NECAB3: variants seen among roughly 807,000 people sequenced by gnomAD.
NECAB3 encodes the protein N-terminal EF-hand calcium binding protein 3, also known as N-terminal EF-hand calcium-binding protein 3.
In NECAB3, 38 loss-of-function variants were observed where a neutral mutation model predicts 57.2. That is an observed-to-expected ratio of 0.66 (90% CI 0.51 to 0.87). The LOEUF (loss-of-function observed/expected upper bound fraction) is 0.87, where lower values mean the gene tolerates loss of function less well. Among genes scored for constraint, NECAB3 ranks in the 40% least tolerant of loss-of-function variants. The probability of loss-of-function intolerance (pLI) is 0.00; values close to 1 mark genes in which losing one functional copy is unlikely to be tolerated. For missense variants in NECAB3, 474 were observed against 527.5 expected, an observed-to-expected ratio of 0.90 and a Z score of 0.99; for synonymous variants, 223 against 222.6, an observed-to-expected ratio of 1.00 and a Z score of -0.02.
At chr20:33,667,951 C>T in intron 5 of NECAB3, 1 of 1,553,068 alleles carries the variant, frequency 6.4e-7, no homozygotes, top group Non-Finnish European at 8.7e-7. Context: ...GCAGAAGATG[C>T]CCAAAACGCT....
At chr20:33,667,670 A>G (rs537895103) in intron 5 of NECAB3, 1 of 1,611,408 alleles carries the variant, frequency 6.2e-7, no homozygotes, top group Admixed American at 1.7e-5. Context: ...TACCTGCGGG[A>G]TCTGCTGGTG....
intron 5 of NECAB3, chr20:33,668,267 T>C (rs1215282553): frequency 6.5e-7 from 1 of 1,548,310 alleles, no homozygotes; most frequent in Non-Finnish European, 8.7e-7. Context: ...TGGCACTGCG[T>C]TGGGGGACAG....
intron 5 of NECAB3, chr20:33,666,983 G>A (rs1287125200): frequency 1.3e-5 from 2 of 154,344 alleles, no homozygotes; most frequent in East Asian, 3.8e-4. Flanking sequence ...AGGCTGAAGG[G>A]GACTACTCCC....
chr20:33,662,688 C>G, intron 5 of NECAB3: 1 of 551,244 alleles, frequency 1.8e-6, no homozygotes, highest in Non-Finnish European at 3.2e-6. Context: ...GCCTGTAATC[C>G]CAACACGTTG....
At chr20:33,667,436 C>T in intron 5 of NECAB3, 3 of 1,413,056 alleles carry the variant, frequency 2.1e-6, no homozygotes, top group Non-Finnish European at 2.8e-6. Context: ...TTGGCGCCGC[C>T]CGCGGGCCGC....
intron 5 of NECAB3, among the ~76,000 whole-genome samples, chr20:33,661,597 G>A (rs889888725): frequency 5.9e-5 from 9 of 152,210 alleles, no homozygotes; most frequent in African/African-American, 1.9e-4. Flanking sequence ...TTCAACCAGA[G>A]AACAGACAGA....
chr20:33,675,012 G>C (rs1253490239), upstream of NECAB3, among the ~76,000 whole-genome samples: 1 of 151,902 alleles, frequency 6.6e-6, no homozygotes, highest in African/African-American at 2.4e-5. Flanking sequence ...CTTGGCCCCT[G>C]AATAAAGCTT....
In NECAB3 at chr20:33,657,987, C is replaced by T. The variant is rs981199110; in HGVS notation, c.1117G>A (p.Asp373Asn). 14 of 1,556,732 alleles carry T rather than the reference C, an allele frequency of 9.0e-6. No individual in the cohort carries two copies. The Middle Eastern group carries it at 5.1e-4, about 57-fold the overall frequency. The change falls in exon 11 of 12, where the codon GAC (aspartate) becomes AAC (asparagine). Residue 373 changes from aspartate (D) to asparagine (N), a missense_variant. Coordinates refer to ENST00000246190, the MANE Select transcript of NECAB3 (RefSeq NM_031232.4). The stretch of plus-strand genomic sequence containing the variant: ...AGGGTGTCCGGGGCCCGCAGGTGGT[C>T]GATGAGGATGCGCTGGAAGGCCTTG... ...GSKAFQRILIDHLRAPDTLTT... is the reference protein window; with the variant it reads ...GSKAFQRILINHLRAPDTLTT...
At chr20:33,661,015 C>T (rs1426873813) in intron 5 of NECAB3, among the ~76,000 whole-genome samples, 1 of 152,200 alleles carries the variant, frequency 6.6e-6, no homozygotes, top group African/African-American at 2.4e-5. Flanking sequence ...AAATGCTAGG[C>T]CCTGCATGGC....
intron 5 of NECAB3, chr20:33,662,695 G>A (rs2017519588): frequency 2.1e-5 from 11 of 525,830 alleles, no homozygotes; most frequent in Admixed American, 3.4e-5. Context: ...ATCCCAACAC[G>A]TTGGTAGGCC....
At chr20:33,670,866 A>T in intron 2 of NECAB3, 74 bp from the exon 3 acceptor site, 1 of 1,044,916 alleles carries the variant, frequency 9.6e-7, no homozygotes, top group Admixed American at 2.0e-5. Context: ...CACCAGGTCC[A>T]GGGTCCCAAA....
chr20:33,668,287 T>G, intron 5 of NECAB3: 1 of 1,533,756 alleles, frequency 6.5e-7, no homozygotes, highest in African/African-American at 1.4e-5. Flanking sequence ...GCTCTCTATC[T>G]AAAGAGTCAA....
At position 33,659,722 on chromosome 20, in the gene NECAB3, T is replaced by C. The variant is rs369641094; in HGVS notation, c.654A>G (p.Ser218=). The C allele has an allele frequency of 9.6e-4, 1,534 of 1,599,808 alleles. 18 individuals are homozygous for C. The South Asian group carries it at 0.014, about 15-fold the overall frequency. ...SPGSSDTGRS[S]EAEMQWRLQV... is the part of the protein sequence containing the mutation. ...GGAGCCGCCACTGCATCTCGGCCTC[T>C]GAGCTGCGCCCTGTGTGTGGGGCCC... The change falls in exon 8 of 12, where the codon TCA becomes TCG. Residue 218 remains serine, a synonymous_variant. Transcript: ENST00000246190.
At chr20:33,672,222 C>T (rs1255732365) in intron 2 of NECAB3, 176 bp downstream of exon 2, 14 of 744,234 alleles carry the variant, frequency 1.9e-5, no homozygotes, top group African/African-American at 3.5e-5. Context: ...TCCATCCTGC[C>T]AAACTTGGCT....
intron 5 of NECAB3, chr20:33,664,099 T>A: frequency 4.3e-6 from 2 of 463,822 alleles, no homozygotes; most frequent in Non-Finnish European, 7.5e-6. Flanking sequence ...CAAACCTTGC[T>A]ACAGTGGCGG....
At chr20:33,667,228 T>C (rs4911356) in intron 5 of NECAB3, 137,504 of 379,394 alleles carry the variant, frequency 0.36, 28,062 homozygotes, top group African/African-American at 0.66. Context: ...GAGCTCTAGC[T>C]TGGTGCCCAG....
chr20:33,661,798 G>C (rs1568894387), intron 5 of NECAB3, among the ~76,000 whole-genome samples: 1 of 152,122 alleles, frequency 6.6e-6, no homozygotes, highest in Non-Finnish European at 1.5e-5. Flanking sequence ...TTACAGGCCT[G>C]TGCCACCACA....
At chr20:33,666,641 G>T (rs949021615) in intron 5 of NECAB3, 1 of 152,350 alleles carries the variant, frequency 6.6e-6, no homozygotes, top group Non-Finnish European at 1.5e-5. Context: ...GATCTAAAAG[G>T]ATCAGTCCTA....
At chr20:33,669,524 A>T (rs1207042137) in intron 4 of NECAB3, 52 bp from the exon 5 acceptor site, 3 of 1,595,522 alleles carry the variant, frequency 1.9e-6, no homozygotes, top group African/African-American at 1.3e-5. Context: ...CCATCTACCC[A>T]CCCTGGGATT....
Sources: gnomAD v4.1 joint callset for allele counts (sites outside exome capture counted in the v4.1 genomes callset) on GRCh38, gnomAD v4.1.1 for gene constraint, MANE v1.5 for transcripts, NCBI Gene and HGNC (gene_info 2026-07-23, HGNC 2026-07-21) for gene names.